The following TTC7A variants were observed in gnomAD, a reference collection of about 807,000 sequenced individuals.
TTC7A encodes tetratricopeptide repeat protein 7A.
TTC7A carries 110 observed loss-of-function variants against 103.7 expected under a neutral mutation model. That is an observed-to-expected ratio of 1.06 (90% CI 0.91 to 1.24). The LOEUF is 1.24. TTC7A is among the 50% of genes most tolerant of loss of function. The pLI is 0.00. For synonymous variants in TTC7A, 521 were observed against 467.9 expected (o/e 1.11, Z -1.47); for missense variants, 1,340 against 1,116.3 (o/e 1.20, Z -2.86).
intron 17 of TTC7A, 92 bp downstream of exon 17, chr2:47,050,138 C>G: frequency 8.8e-7 from 1 of 1,130,078 alleles, no homozygotes; most frequent in East Asian, 2.5e-5. Flanking sequence ...GCCGGGCCCT[C>G]TCCCAGCCGG....
At chr2:46,966,149 A>G (rs1019798641) in intron 3 of TTC7A, among the ~76,000 whole-genome samples, 3 of 152,122 alleles carry the variant, frequency 2.0e-5, no homozygotes, top group Non-Finnish European at 4.4e-5. Flanking sequence ...GGGTTTCTCC[A>G]TGTTAGTCAG....
chr2:47,056,462 A>C (rs1242575249), intron 18 of TTC7A, among the ~76,000 whole-genome samples: 3 of 151,872 alleles, frequency 2.0e-5, no homozygotes, highest in Non-Finnish European at 4.4e-5. Context: ...GGCTCTCTGT[A>C]CCCTGCTCAT....
intron 19 of TTC7A, among the ~76,000 whole-genome samples, chr2:47,069,850 C>T (rs372221677): frequency 2.6e-5 from 4 of 152,246 alleles, no homozygotes; most frequent in Non-Finnish European, 4.4e-5. Flanking sequence ...TGTCCCCAAA[C>T]GCAGGCTCCA....
intron 15 of TTC7A, among the ~76,000 whole-genome samples, chr2:47,031,448 T>C (rs1680532651): frequency 6.6e-6 from 1 of 152,180 alleles, no homozygotes; most frequent in Admixed American, 6.5e-5. Context: ...TGTGTGTGTT[T>C]ACACTTCAGT....
chr2:46,987,446 A>G (rs985766828), intron 5 of TTC7A, among the ~76,000 whole-genome samples: 3 of 152,152 alleles, frequency 2.0e-5, no homozygotes, highest in Non-Finnish European at 4.4e-5. Context: ...CAGTGGCTCT[A>G]ACTGCACTAG....
chr2:47,009,710 G>A (rs1677820306), intron 10 of TTC7A, among the ~76,000 whole-genome samples: 1 of 152,076 alleles, frequency 6.6e-6, no homozygotes, highest in Non-Finnish European at 1.5e-5. Flanking sequence ...GGGGATATGA[G>A]AGCTAATTAA....
intron 2 of TTC7A, among the ~76,000 whole-genome samples, chr2:46,927,238 CAA>C (rs1669433106): frequency 6.8e-6 from 1 of 147,292 alleles, no homozygotes; most frequent in South Asian, 2.2e-4. Flanking sequence ...AGATCAGGAT[CAA>C]AAAGAGTGAC....
intron 8 of TTC7A, among the ~76,000 whole-genome samples, chr2:46,996,298 A>G (rs17481147): frequency 0.039 from 5,940 of 152,314 alleles, 151 homozygotes; most frequent in Middle Eastern, 0.075. Context: ...CAAGGGGCCC[A>G]TCAGAGCTGG....
intron 15 of TTC7A, among the ~76,000 whole-genome samples, chr2:47,038,771 A>G (rs1356591746): frequency 6.6e-6 from 1 of 151,310 alleles, no homozygotes; most frequent in Non-Finnish European, 1.5e-5. Context: ...GGAGAGTTTC[A>G]GGAACGCCCT....
At chr2:47,072,278 T>TC (rs1558654704) in intron 19 of TTC7A, among the ~76,000 whole-genome samples, 1 of 152,134 alleles carries the variant, frequency 6.6e-6, no homozygotes, top group African/African-American at 2.4e-5. Flanking sequence ...GCACGCCTCA[T>TC]CCGTGTGTGT....
chr2:46,930,076 T>C (rs1482398859), intron 2 of TTC7A, among the ~76,000 whole-genome samples: 1 of 152,102 alleles, frequency 6.6e-6, no homozygotes, highest in Non-Finnish European at 1.5e-5. Flanking sequence ...GGGAGTTTTT[T>C]ACTATGTATC....
chr2:46,974,919 T>C lies in TTC7A; in HGVS notation c.518-54T>C, dbSNP rs1673719210. On this transcript the variant is annotated intron_variant, in intron 3 of 19. Coordinates refer to ENST00000319190, the MANE Select transcript of TTC7A (RefSeq NM_020458.4). ...CCACCTTCGGCCCATGGGGAGGGCC[T>C]GGAGTCAGGGGGCCCGAGCAGGACA... 3.1e-6 allele frequency: 5 copies of C among 1,592,590 alleles called. No homozygotes were observed. The African/African-American group carries it at 5.4e-5, about 17-fold the overall frequency.
At chr2:47,008,794 T>C (rs1218253046) in intron 10 of TTC7A, among the ~76,000 whole-genome samples, 3 of 152,088 alleles carry the variant, frequency 2.0e-5, no homozygotes, top group African/African-American at 7.2e-5. Context: ...GTCTGGGTAG[T>C]TGAACCTGCA....
chr2:46,927,147 AG>A (rs1247765437), intron 2 of TTC7A, among the ~76,000 whole-genome samples: 2 of 152,114 alleles, frequency 1.3e-5, no homozygotes, highest in Non-Finnish European at 2.9e-5. Flanking sequence ...TTGGAGTCAC[AG>A]GAGGAGAGGA....
intron 15 of TTC7A, 101 bp from the exon 16 acceptor site, chr2:47,046,214 T>G: frequency 2.4e-6 from 2 of 839,918 alleles, no homozygotes; most frequent in Non-Finnish European, 4.0e-6. Flanking sequence ...TTTCTGCGAG[T>G]TAGGGAGGTG....
At chr2:46,952,531 T>C (rs1401744955) in intron 2 of TTC7A, among the ~76,000 whole-genome samples, 1 of 152,214 alleles carries the variant, frequency 6.6e-6, no homozygotes, top group Non-Finnish European at 1.5e-5. Context: ...GTGGGAGGAT[T>C]GCTTGAGCCA....
intron 7 of TTC7A, among the ~76,000 whole-genome samples, chr2:46,994,748 A>T (rs1319390012): frequency 3.3e-5 from 5 of 152,206 alleles, no homozygotes; most frequent in Admixed American, 3.3e-4. Context: ...ATCATTTAGA[A>T]GTTACCTGTC....
At chr2:46,927,323 A>C (rs1354582876) in intron 2 of TTC7A, among the ~76,000 whole-genome samples, 5 of 152,074 alleles carry the variant, frequency 3.3e-5, no homozygotes, top group Non-Finnish European at 7.3e-5. Flanking sequence ...AAACCAAAGA[A>C]AAATAATATT....
chr2:47,057,075 C>T (rs923401724), intron 18 of TTC7A, among the ~76,000 whole-genome samples: 47 of 152,212 alleles, frequency 3.1e-4, no homozygotes, highest in African/African-American at 1.1e-3. Context: ...ATGCGGCGCC[C>T]CAGGGCTACT....
Sources: gnomAD v4.1 joint callset for allele counts (sites outside exome capture counted in the v4.1 genomes callset) on GRCh38, gnomAD v4.1.1 for gene constraint, MANE v1.5 for transcripts, NCBI Gene and HGNC (gene_info 2026-07-23, HGNC 2026-07-21) for gene names.